SHISA9: variants seen among roughly 807,000 people sequenced by gnomAD.
The protein encoded by SHISA9 is protein shisa-9.
SHISA9 carries 13 observed loss-of-function variants against 38.0 expected under a neutral mutation model. The ratio of observed to expected loss-of-function variants is 0.34; its 90% confidence interval spans 0.22 to 0.54. SHISA9 has a LOEUF of 0.54. Among genes scored for constraint, SHISA9 ranks in the 20% least tolerant of loss-of-function variants. The pLI, the probability that SHISA9 is intolerant of heterozygous loss-of-function variation, is 0.91. For missense variants in SHISA9, 538 were observed against 575.8 expected (o/e 0.93, Z 0.67); for synonymous variants, 275 against 242.0 (o/e 1.14, Z -1.27).
At chr16:13,053,153 G>T (rs376168887) in intron 2 of SHISA9, among the ~76,000 whole-genome samples, 6 of 151,870 alleles carry the variant, frequency 4.0e-5, no homozygotes, top group African/African-American at 1.4e-4. Context: ...AGTAGAGATG[G>T]GGTTTCGCCA....
chr16:13,077,286 C>T (rs2073594260), intron 2 of SHISA9, among the ~76,000 whole-genome samples: 1 of 151,466 alleles, frequency 6.6e-6, no homozygotes, highest in African/African-American at 2.4e-5. Flanking sequence ...ATGTCCAGAC[C>T]AGTGTTCTCT....
chr16:12,978,107 G>A (rs902449990), intron 2 of SHISA9, among the ~76,000 whole-genome samples: 1 of 152,132 alleles, frequency 6.6e-6, no homozygotes, highest in Admixed American at 6.5e-5. Flanking sequence ...AAACAGAAAG[G>A]GAGTACTTGG....
chr16:13,263,447 G>T, the SHISA9 span, among the ~76,000 whole-genome samples: 98,644 of 151,800 alleles, frequency 0.65, 32,321 homozygotes, highest in African/African-American at 0.72. Context: ...TCTGGTGATT[G>T]AAAAGTATAT....
intron 2 of SHISA9, among the ~76,000 whole-genome samples, chr16:13,015,007 G>A (rs1207727845): frequency 1.3e-5 from 2 of 152,196 alleles, no homozygotes; most frequent in African/African-American, 4.8e-5. Flanking sequence ...TAAATGGCTG[G>A]TTAGTGGATT....
chr16:13,516,463 C>G, the SHISA9 span, among the ~76,000 whole-genome samples: 1 of 152,060 alleles, frequency 6.6e-6, no homozygotes, highest in Non-Finnish European at 1.5e-5. Flanking sequence ...GTATTTTGGT[C>G]CAAGATGAAC....
the SHISA9 span, among the ~76,000 whole-genome samples, chr16:13,490,114 G>C: frequency 6.6e-6 from 1 of 152,156 alleles, no homozygotes; most frequent in African/African-American, 2.4e-5. Flanking sequence ...ATCCCTGGGA[G>C]ATGTTTGGCT....
At chr16:13,314,890 C>T in the SHISA9 span, among the ~76,000 whole-genome samples, 2 of 152,174 alleles carry the variant, frequency 1.3e-5, no homozygotes, top group African/African-American at 2.4e-5. Context: ...ATACTCTCTA[C>T]AGATCTGCTC....
the SHISA9 span, among the ~76,000 whole-genome samples, chr16:13,345,440 T>A: frequency 3.9e-5 from 6 of 152,308 alleles, no homozygotes; most frequent in South Asian, 1.2e-3. Flanking sequence ...ATAATTATGT[T>A]CTTTTTTTAT....
chr16:13,173,773 C>T lies in SHISA9; in HGVS notation c.692-29621C>T, dbSNP rs1596702008. Among the ~76,000 whole-genome samples, 7 of 152,166 alleles carry T rather than the reference C, an allele frequency of 4.6e-5. No individual in the cohort carries two copies. In the East Asian group the frequency reaches 7.7e-4, roughly 17 times the overall value. On this transcript the variant is annotated intron_variant, in intron 2 of 4. Coordinates refer to ENST00000558583, the MANE Select transcript of SHISA9 (RefSeq NM_001145204.3). ...TAATGGAGAAGACAAATGAAAAACCCGGCAATTACAACAGAGTCAGGTCAA... is the reference window on the plus strand; with the variant it reads ...TAATGGAGAAGACAAATGAAAAACCTGGCAATTACAACAGAGTCAGGTCAA...
the SHISA9 span, among the ~76,000 whole-genome samples, chr16:13,520,182 A>C: frequency 3.3e-5 from 5 of 152,230 alleles, no homozygotes; most frequent in African/African-American, 1.2e-4. Context: ...GGCAACCCAC[A>C]TCAAGAGGAA....
At chr16:13,015,858 C>CTTTGTTTCTTTG (rs879889298) in intron 2 of SHISA9, among the ~76,000 whole-genome samples, 50 of 59,730 alleles carry the variant, frequency 8.4e-4, no homozygotes, top group Non-Finnish European at 1.2e-3. Context: ...CTTTCCCTTT[C>CTTTGTTTCTTTG]TTTCTTTCTT....
In SHISA9 at chr16:13,161,421, A is replaced by G. The variant is rs529656439; in HGVS notation, c.692-41973A>G. On this transcript the variant is annotated intron_variant, in intron 2 of 4. Transcript: ENST00000558583. The stretch of plus-strand genomic sequence containing the variant: ...GTTTCTGAGCAACTTCTCTGAACCT[A>G]TCTTGCAACATCCTTCTGAGCAGCT... 3.9e-5 allele frequency among the ~76,000 whole-genome samples: 6 copies of G among 152,262 alleles called. No individual in the cohort carries two copies. In the East Asian group the frequency reaches 1.2e-3, roughly 29 times the overall value.
intron 1 of SHISA9, chr16:12,902,849 C>CGTGTGTGTGT (rs3974950): frequency 1.0e-5 from 5 of 492,980 alleles, no homozygotes; most frequent in Admixed American, 3.7e-5. Context: ...TGTGTGTGAG[C>CGTGTGTGTGT]GTGTGTGTGT....
chr16:13,542,474 G>A, the SHISA9 span, among the ~76,000 whole-genome samples: 1 of 152,194 alleles, frequency 6.6e-6, no homozygotes, highest in African/African-American at 2.4e-5. Context: ...GGGTAAGTGA[G>A]TCACTCAATA....
the SHISA9 span, among the ~76,000 whole-genome samples, chr16:13,448,267 A>G: frequency 6.6e-6 from 1 of 152,222 alleles, no homozygotes. Flanking sequence ...CTTTTATTCC[A>G]GTGCAAAAGG....
At chr16:13,469,397 G>GAAAGAAAGAAAGAAAGAAAGAAAGAA in the SHISA9 span, among the ~76,000 whole-genome samples, 1 of 121,234 alleles carries the variant, frequency 8.2e-6, no homozygotes, top group African/African-American at 3.4e-5. Flanking sequence ...AAGAAAGAAA[G>GAAAGAAAGAAAGAAAGAAAGAAAGAA]AAAGAAAGAA....
intron 2 of SHISA9, among the ~76,000 whole-genome samples, chr16:13,061,624 G>T (rs946859474): frequency 1.3e-5 from 2 of 152,128 alleles, no homozygotes; most frequent in African/African-American, 4.8e-5. Context: ...TACTGTGCTG[G>T]GTGCTGGAGA....
intron 4 of SHISA9, among the ~76,000 whole-genome samples, chr16:13,218,253 G>T (rs1482490390): frequency 6.6e-6 from 1 of 151,976 alleles, no homozygotes; most frequent in Non-Finnish European, 1.5e-5. Context: ...TAGATCCTGG[G>T]CCCACTCACT....
chr16:13,495,975 A>G, the SHISA9 span, among the ~76,000 whole-genome samples: 3 of 152,114 alleles, frequency 2.0e-5, no homozygotes, highest in African/African-American at 7.2e-5. Flanking sequence ...TGGTGTTTCT[A>G]AAAAAGCTAT....
Sources: allele counts gnomAD v4.1 joint callset (sites outside exome capture counted in the v4.1 genomes callset), GRCh38; gene constraint gnomAD v4.1.1; transcripts MANE v1.5; gene names NCBI Gene and HGNC (gene_info 2026-07-23, HGNC 2026-07-21).